ABTB2: variants seen among roughly 807,000 people sequenced by gnomAD.
ABTB2 encodes the protein ankyrin repeat and BTB domain containing 2, also known as ankyrin repeat and BTB/POZ domain-containing protein 2.
ABTB2 carries 56 observed loss-of-function variants against 104.1 expected under a neutral mutation model. The ratio of observed to expected loss-of-function variants is 0.54; its 90% CI spans 0.43 to 0.67. The LOEUF is 0.67. Among genes scored for constraint, ABTB2 ranks in the 30% least tolerant of loss-of-function variants. The probability of loss-of-function intolerance (pLI) is 0.00; values close to 1 mark genes in which losing one functional copy is unlikely to be tolerated. For missense variants in ABTB2, 1,279 were observed against 1,407.7 expected (o/e 0.91, Z 1.46); for synonymous variants, 606 against 608.2 (o/e 1.00, Z 0.05).
At chr11:34,355,026 T>C (rs910873947) in intron 1 of ABTB2, among the ~76,000 whole-genome samples, 1 of 152,204 alleles carries the variant, frequency 6.6e-6, no homozygotes, top group Non-Finnish European at 1.5e-5. Context: ...CATCATCAAC[T>C]GAGATTCAGG....
intron 1 of ABTB2, among the ~76,000 whole-genome samples, chr11:34,224,110 A>C (rs1027319899): frequency 2.0e-5 from 3 of 152,140 alleles, no homozygotes; most frequent in Non-Finnish European, 2.9e-5. Flanking sequence ...TGCTCACTGC[A>C]GCCTTGACTT....
intron 1 of ABTB2, among the ~76,000 whole-genome samples, chr11:34,218,930 G>A (rs2133049157): frequency 6.6e-6 from 1 of 150,954 alleles, no homozygotes; most frequent in Non-Finnish European, 1.5e-5. Context: ...TGTTTATGTA[G>A]GCCTATTTCT....
intron 3 of ABTB2, among the ~76,000 whole-genome samples, chr11:34,186,351 G>A (rs960546248): frequency 6.6e-6 from 1 of 152,254 alleles, no homozygotes; most frequent in African/African-American, 2.4e-5. Context: ...AGGCAAGTGA[G>A]AGCACGCCAG....
intron 1 of ABTB2, among the ~76,000 whole-genome samples, chr11:34,321,500 T>C (rs1316906794): frequency 6.6e-6 from 1 of 152,250 alleles, no homozygotes; most frequent in African/African-American, 2.4e-5. Flanking sequence ...ATGCCTGTGA[T>C]GTATCATTGG....
chr11:34,172,418 A>ATATATATATATATATATATATG (rs55819950), intron 4 of ABTB2, among the ~76,000 whole-genome samples: 1 of 84,230 alleles, frequency 1.2e-5, no homozygotes, highest in Non-Finnish European at 2.3e-5. Flanking sequence ...ATATATATAT[A>ATATATATATATATATATATATG]TGTGTGTGTG....
chr11:34,177,436 GAAAT>G (rs1360865898), intron 3 of ABTB2, among the ~76,000 whole-genome samples: 2 of 152,190 alleles, frequency 1.3e-5, no homozygotes, highest in Non-Finnish European at 2.9e-5. Context: ...TGGGATTCTG[GAAAT>G]TAGGTTTTAT....
Position 34,159,280 on chromosome 11 carries a change from A to G in ABTB2, c.2697+16T>C, listed in dbSNP as rs1177326570. 4 of 1,606,430 alleles carry G rather than the reference A, an allele frequency of 2.5e-6. No individual in the cohort carries two copies. The Admixed American group carries it at 6.7e-5, about 27-fold the overall frequency. ...GTCATCCCTCTGAGAAGAGGGCGGC[A>G]CCAAGACCCACACACCTGAAAAATG... is the stretch of plus-strand genomic sequence containing the variant. On this transcript the variant is annotated intron_variant, in intron 14 of 16. Coordinates refer to ENST00000435224, the MANE Select transcript of ABTB2 (RefSeq NM_145804.3).
At chr11:34,244,610 T>C (rs776085367) in intron 1 of ABTB2, among the ~76,000 whole-genome samples, 1 of 152,226 alleles carries the variant, frequency 6.6e-6, no homozygotes, top group Non-Finnish European at 1.5e-5. Context: ...TTAGAGTTGT[T>C]GGCCTGGATT....
Position 34,164,759 on chromosome 11 carries a change from C to T in ABTB2, c.1915G>A (p.Glu639Lys). 6.4e-6 allele frequency: 10 copies of T among 1,561,626 alleles called. No individual in the cohort carries two copies. The highest frequency in any genetic ancestry group is 8.6e-6 in the Non-Finnish European group (10 of 1,163,396). ...RGADPLLSML[E>K]AHGMGSSLHE... ...AGGGAGGAGCCCATGCCGTGGGCCT[C>T]CAGCATGCTGAGGAGGGGGTCGGCG... The change falls in exon 9 of 17, where the codon GAG (glutamate) becomes AAG (lysine). Residue 639 changes from glutamate to lysine, a missense_variant. Transcript: ENST00000435224.
intron 1 of ABTB2, among the ~76,000 whole-genome samples, chr11:34,270,255 G>A (rs899715345): frequency 2.0e-5 from 3 of 152,146 alleles, no homozygotes; most frequent in Admixed American, 6.5e-5. Flanking sequence ...GGGTGGGTGG[G>A]CAGCTTCCTG....
At chr11:34,253,032 G>A (rs1230920147) in intron 1 of ABTB2, among the ~76,000 whole-genome samples, 1 of 152,108 alleles carries the variant, frequency 6.6e-6, no homozygotes, top group Non-Finnish European at 1.5e-5. Context: ...TCTCCACCTG[G>A]GAAAGGCTCA....
At chr11:34,296,329 C>A (rs1175002794) in intron 1 of ABTB2, among the ~76,000 whole-genome samples, 1 of 151,270 alleles carries the variant, frequency 6.6e-6, no homozygotes, top group Non-Finnish European at 1.5e-5. Context: ...GGGAGGGAGA[C>A]AAGGAGGAGG....
At chr11:34,277,016 C>T (rs1418430011) in intron 1 of ABTB2, among the ~76,000 whole-genome samples, 2 of 152,182 alleles carry the variant, frequency 1.3e-5, no homozygotes, top group Admixed American at 6.5e-5. Flanking sequence ...ATTCTCCTGC[C>T]TCAGCCTTCT....
At chr11:34,208,833 T>A (rs909844989) in intron 1 of ABTB2, among the ~76,000 whole-genome samples, 1 of 151,786 alleles carries the variant, frequency 6.6e-6, no homozygotes, top group Non-Finnish European at 1.5e-5. Flanking sequence ...ACCACCAACA[T>A]ATCTCAAAAA....
intron 1 of ABTB2, among the ~76,000 whole-genome samples, chr11:34,262,548 C>T (rs1341184027): frequency 6.6e-6 from 1 of 152,156 alleles, no homozygotes; most frequent in Non-Finnish European, 1.5e-5. Context: ...CGTCCAATTA[C>T]ACCTCCAGCA....
At chr11:34,335,920 G>C in intron 1 of ABTB2, 1 of 700,614 alleles carries the variant, frequency 1.4e-6, no homozygotes, top group Non-Finnish European at 2.5e-6. Context: ...AAAAGGCTTT[G>C]GGATTGCCAA....
At chr11:34,227,282 A>G (rs905848215) in intron 1 of ABTB2, among the ~76,000 whole-genome samples, 3 of 146,682 alleles carry the variant, frequency 2.0e-5, no homozygotes, top group East Asian at 4.2e-4. Flanking sequence ...TCAAAAAAAA[A>G]AAAGAAAAAA....
intron 1 of ABTB2, among the ~76,000 whole-genome samples, chr11:34,229,420 G>C (rs889606121): frequency 6.6e-6 from 1 of 150,922 alleles, no homozygotes; most frequent in Non-Finnish European, 1.5e-5. Context: ...GGTGGAGCTT[G>C]CAGTGAGCAG....
rs1852560187 is a variant in ABTB2 at position 34,152,594 on chromosome 11, A to AC, written c.2881-11_2881-10insG. 1 of 1,610,958 alleles carries AC rather than the reference A, an allele frequency of 6.2e-7. No homozygotes were observed. Among genetic ancestry groups the AC allele is most frequent in the Non-Finnish European group, 8.5e-7 (1 of 1,179,030 alleles). On this transcript the variant is annotated splice_polypyrimidine_tract_variant and intron_variant, in intron 16 of 16. Transcript: ENST00000435224. ...CTGGGGCATTGTGGATCTGTAGGGC[A>AC]GAGAGAGGAGGGGTGAAGCCCATCG...
Sources: allele counts gnomAD v4.1 joint callset (sites outside exome capture counted in the v4.1 genomes callset), GRCh38; gene constraint gnomAD v4.1.1; transcripts MANE v1.5; gene names NCBI Gene and HGNC (gene_info 2026-07-23, HGNC 2026-07-21).